The following PTGS1 variants were observed in gnomAD, a reference collection of about 807,000 sequenced individuals.
PTGS1 encodes the protein prostaglandin G/H synthase 1.
PTGS1 carries 40 observed loss-of-function variants against 63.0 expected under a neutral mutation model. The ratio of observed to expected loss-of-function variants is 0.63; its 90% CI spans 0.49 to 0.83. The LOEUF (loss-of-function observed/expected upper bound fraction) is 0.83, where lower values mean the gene tolerates loss of function less well. Among genes scored for constraint, PTGS1 ranks in the 40% least tolerant of loss-of-function variants. PTGS1 has a pLI of 0.00. For synonymous variants in PTGS1, 298 were observed against 301.9 expected, an observed-to-expected ratio of 0.99 and a Z score of 0.13; for missense variants, 709 against 786.5, an observed-to-expected ratio of 0.90 and a Z score of 1.18.
chr9:122,392,086 C>T, intron 10 of PTGS1, 103 bp from the exon 11 acceptor site: 1 of 959,952 alleles, frequency 1.0e-6, no homozygotes, highest in Non-Finnish European at 1.5e-6. Flanking sequence ...TCCTGGAGTC[C>T]CTATTATCCC....
chr9:122,374,943 A>G (rs149099824), intron 2 of PTGS1, among the ~76,000 whole-genome samples: 1,617 of 152,188 alleles, frequency 0.011, 25 homozygotes, highest in African/African-American at 0.037. Flanking sequence ...TACATTCCTC[A>G]TTATGCAATG....
At chr9:122,387,361 G>A (rs554429539) in intron 9 of PTGS1, among the ~76,000 whole-genome samples, 17 of 152,250 alleles carry the variant, frequency 1.1e-4, no homozygotes, top group Admixed American at 6.5e-4. Context: ...AACAGTGCCC[G>A]CCTATGGTGT....
chr9:122,383,213 T>C (rs1353447607), intron 7 of PTGS1, among the ~76,000 whole-genome samples: 3 of 148,030 alleles, frequency 2.0e-5, no homozygotes, highest in South Asian at 2.2e-4. Flanking sequence ...TTTTCTTTTT[T>C]TTTTTTTTCT....
At chr9:122,378,045 C>T in intron 3 of PTGS1, 30 bp downstream of exon 3, 2 of 1,581,508 alleles carry the variant, frequency 1.3e-6, no homozygotes, top group Non-Finnish European at 1.7e-6. Flanking sequence ...CTCACTCCTT[C>T]CGTCTTGAGC....
chr9:122,374,633 C>T (rs901199223), intron 2 of PTGS1, among the ~76,000 whole-genome samples: 9 of 152,172 alleles, frequency 5.9e-5, no homozygotes, highest in African/African-American at 1.7e-4. Flanking sequence ...GAAGTTAGAC[C>T]GAAGGAAGGC....
intron 2 of PTGS1, chr9:122,375,449 C>T: frequency 1.0e-6 from 1 of 985,494 alleles, no homozygotes; most frequent in Non-Finnish European, 1.2e-6. Context: ...CTGGAGGTGA[C>T]CAATCTCCTC....
Position 122,392,471 on chromosome 9 carries a change from A to T in PTGS1, c.1727A>T (p.Tyr576Phe). 6.2e-7 allele frequency: 1 copy of T among 1,614,060 alleles called. No individual in the cohort carries two copies. The highest frequency in any genetic ancestry group is 8.5e-7 in the Non-Finnish European group (1 of 1,180,008). The change falls in exon 11 of 11, where the codon TAC becomes TTC. Residue 576 changes from tyrosine (Y) to phenylalanine (F), a missense_variant. Transcript: ENST00000362012. ...TGCCTCAACACCAAGACCTGTCCCT[A>T]CGTTTCCTTCCGTGTGCCGGATGCC... ...LVCLNTKTCP[Y>F]VSFRVPDASQ...
At position 122,393,474 on chromosome 9, in the gene PTGS1, T is replaced by C. The variant is rs897516311; in HGVS notation, c.*930T>C. ...CATGCTACCACTGGTACTTCCTTTC[T>C]CCCTGCGGGCCAGGCACTGCCCTTT... On this transcript the variant is annotated 3_prime_UTR_variant, in exon 11 of 11. Transcript: ENST00000362012. The C allele has an allele frequency of 1.3e-5, 2 of 152,150 alleles. No individual in the cohort carries two copies. The highest frequency in any genetic ancestry group is 4.8e-5 in the African/African-American group (2 of 41,404). 9.4% of individuals were successfully genotyped at this position (152,150 alleles called of 1,614,324 possible).
rs1838508527 is a variant in PTGS1, at chr9:122,395,162, G to A, written c.*2618G>A. ...GCTTTGAGGGTGGAAGGATGGGATG[G>A]GTTCCAGAGGTATTCCTCTCTTAAA... On this transcript the variant is annotated 3_prime_UTR_variant, in exon 11 of 11. Coordinates refer to ENST00000362012, the MANE Select transcript of PTGS1 (RefSeq NM_000962.4). 1.3e-5 allele frequency: 2 copies of A among 152,280 alleles called. No homozygotes were observed. The highest frequency in any genetic ancestry group is 4.1e-4 in the South Asian group (2 of 4,824). 9.4% of individuals were successfully genotyped at this position (152,280 alleles called of 1,614,324 possible).
In PTGS1 at chr9:122,383,503, CCA is replaced by C; in HGVS notation, c.763-3_763-2del. 1 of 1,592,926 alleles carries C rather than the reference CCA, an allele frequency of 6.3e-7. No individual in the cohort carries two copies. On this transcript the variant is annotated splice_region_variant and splice_polypyrimidine_tract_variant and intron_variant, in intron 7 of 10. Coordinates refer to ENST00000362012, the MANE Select transcript of PTGS1 (RefSeq NM_000962.4). Reference sequence around the variant, plus strand: ...CCCCAGGTTGCCAGGTGGCCCCATCCCACAGGTGCTGGATGGAGAAATGTACC... The same window carrying C: ...CCCCAGGTTGCCAGGTGGCCCCATCCCAGGTGCTGGATGGAGAAATGTACC...
chr9:122,373,635 C>T (rs1202599807), intron 2 of PTGS1, among the ~76,000 whole-genome samples: 1 of 152,228 alleles, frequency 6.6e-6, no homozygotes, highest in Non-Finnish European at 1.5e-5. Context: ...AGAGGAGCCC[C>T]AGGCCAGCTG....
chr9:122,373,290 G>A (rs564416682), intron 2 of PTGS1, among the ~76,000 whole-genome samples: 2 of 152,330 alleles, frequency 1.3e-5, no homozygotes, highest in African/African-American at 2.4e-5. Context: ...GGGGCAGAAG[G>A]TCTGGGTTGC....
chr9:122,392,602 T>G lies in PTGS1; in HGVS notation c.*58T>G. 2 of 1,505,020 alleles carry G rather than the reference T, an allele frequency of 1.3e-6. No individual in the cohort carries two copies. The highest frequency in any genetic ancestry group is 2.4e-5 in the South Asian group (2 of 82,224). The allele number at this position is 1,505,020 out of a possible 1,614,324, so 93.2% of individuals were successfully genotyped here. On this transcript the variant is annotated 3_prime_UTR_variant, in exon 11 of 11. Coordinates refer to ENST00000362012, the MANE Select transcript of PTGS1 (RefSeq NM_000962.4). ...CTTTGTGCTTGTCATTCCAGAGTGC[T>G]GAGGCCAGGGCTGATGGTCTTAAAT...
chr9:122,383,647 G>A lies in PTGS1; in HGVS notation c.901G>A (p.Ala301Thr). The A allele has an allele frequency of 6.2e-7, 1 of 1,614,166 alleles. No homozygotes were observed. Among genetic ancestry groups the A allele is most frequent in the Non-Finnish European group, 8.5e-7 (1 of 1,180,046 alleles). ...GCTGCTTCCTGGGCTCATGCTGTAT[G>A]CCACGCTCTGGCTACGTGAGCACAA... is the stretch of plus-strand genomic sequence containing the variant. ...FGLLPGLMLY[A>T]TLWLREHNRV... The change falls in exon 8 of 11, where the codon GCC becomes ACC. Residue 301 changes from alanine to threonine, a missense_variant. By Grantham distance (58) the Ala-to-Thr change is moderately conservative (BLOSUM62 0). Transcript: ENST00000362012.
rs923577438 is a variant in PTGS1 at position 122,378,309 on chromosome 9, C to G, written c.212-124C>G. The G allele has an allele frequency of 2.2e-6, 3 of 1,354,110 alleles. No homozygotes were observed. The African/African-American group carries it at 4.3e-5, about 20-fold the overall frequency. The allele number at this position is 1,354,110 out of a possible 1,614,324, so 83.9% of individuals were successfully genotyped here. A position where few individuals can be genotyped will look rare whatever the true frequency, so the allele number is the denominator to read the frequency against. On this transcript the variant is annotated intron_variant, in intron 3 of 10. Transcript: ENST00000362012. ...ATTGCTCCCAAGGTTCCATCCTTAC[C>G]CACTTCCCCATAGGTGCTACTCTGT...
rs1017419625 is a variant in PTGS1 at position 122,393,518 on chromosome 9, A to G, written c.*974A>G. 1.3e-5 allele frequency: 2 copies of G among 152,234 alleles called. No homozygotes were observed. The highest frequency in any genetic ancestry group is 4.8e-5 in the African/African-American group (2 of 41,440). 9.4% of individuals were successfully genotyped at this position (152,234 alleles called of 1,614,324 possible). On this transcript the variant is annotated 3_prime_UTR_variant, in exon 11 of 11. Transcript: ENST00000362012. ...GCCCTTTTCAGGAAGCTCTCTTAAA[A>G]TACCCATTGCCCCAGACCTGGAAGA...
chr9:122,371,395 C>G lies in PTGS1; in HGVS notation c.94+123C>G. 2.7e-6 allele frequency: 4 copies of G among 1,482,170 alleles called. No individual in the cohort carries two copies. In the South Asian group the frequency reaches 3.9e-5, roughly 14 times the overall value. 91.8% of individuals were successfully genotyped at this position (1,482,170 alleles called of 1,614,324 possible). A position where few individuals can be genotyped will look rare whatever the true frequency, so the allele number is the denominator to read the frequency against. Reference sequence around the variant, plus strand: ...TTTCTGCTCGCGGTGCTGAGAAAGACTGAGGCTGAGTCTTTTGGTGGGATG... The same window carrying G: ...TTTCTGCTCGCGGTGCTGAGAAAGAGTGAGGCTGAGTCTTTTGGTGGGATG... On this transcript the variant is annotated intron_variant, in intron 2 of 10. Transcript: ENST00000362012.
rs529876553 is a variant in PTGS1 at position 122,371,115 on chromosome 9, T to C, written c.7+24T>C. On this transcript the variant is annotated intron_variant, in intron 1 of 10. Coordinates refer to ENST00000362012, the MANE Select transcript of PTGS1 (RefSeq NM_000962.4). ...CCGTGAGTGCGACCCCGGTGCCCGG[T>C]GGGGAATTTTCTTGGCCTCCTGGTG... 6.9e-6 allele frequency: 11 copies of C among 1,604,668 alleles called. No homozygotes were observed. The East Asian group carries it at 2.2e-4, about 33-fold the overall frequency.
At chr9:122,373,332 G>T (rs1836921116) in intron 2 of PTGS1, among the ~76,000 whole-genome samples, 1 of 152,186 alleles carries the variant, frequency 6.6e-6, no homozygotes, top group African/African-American at 2.4e-5. Flanking sequence ...AGTAAACTGA[G>T]GGCCAAGCTA....
Sources: allele counts gnomAD v4.1 joint callset (sites outside exome capture counted in the v4.1 genomes callset), GRCh38; gene constraint gnomAD v4.1.1; transcripts MANE v1.5; gene names NCBI Gene and HGNC (gene_info 2026-07-23, HGNC 2026-07-21).